The following EEIG1 variants were observed in gnomAD, a reference collection of about 807,000 sequenced individuals.
EEIG1 encodes estrogen-induced osteoclastogenesis regulator 1, also known as early estrogen-induced gene 1 protein.
the EEIG1 span, among the ~76,000 whole-genome samples, chr9:127,968,296 C>G: frequency 6.6e-6 from 1 of 152,076 alleles, no homozygotes; most frequent in Non-Finnish European, 1.5e-5. Flanking sequence ...TGACTAGACT[C>G]AAGTCATGGG....
chr9:127,948,474 G>A, the EEIG1 span: 2 of 1,528,326 alleles, frequency 1.3e-6, no homozygotes, highest in East Asian at 2.2e-5. Context: ...CAGGCGCAGG[G>A]CCCCCTGCAG....
the EEIG1 span, chr9:127,944,151 G>C: frequency 5.3e-6 from 1 of 187,096 alleles, no homozygotes; most frequent in Admixed American, 5.7e-5. Flanking sequence ...ATCTGTGGAT[G>C]CTGTGTAGGC....
the EEIG1 span, among the ~76,000 whole-genome samples, chr9:127,954,824 C>G: frequency 6.6e-6 from 1 of 152,182 alleles, no homozygotes; most frequent in Non-Finnish European, 1.5e-5. Context: ...TCTAGCCCCC[C>G]GGTTCCTCCT....
the EEIG1 span, chr9:127,944,556 C>T: frequency 1.3e-5 from 16 of 1,262,596 alleles, no homozygotes; most frequent in Non-Finnish European, 1.8e-5. Flanking sequence ...ACTGTGGGGA[C>T]TCTGCTCTCA....
the EEIG1 span, among the ~76,000 whole-genome samples, chr9:127,966,356 T>A: frequency 3.3e-5 from 5 of 151,126 alleles, no homozygotes; most frequent in Non-Finnish European, 7.4e-5. Context: ...ACCTGTAATC[T>A]CAGCTACTCA....
chr9:127,965,345 C>G, the EEIG1 span, among the ~76,000 whole-genome samples: 1 of 152,060 alleles, frequency 6.6e-6, no homozygotes, highest in East Asian at 1.9e-4. Context: ...GCCAAATCAA[C>G]CCTGGTTGAG....
the EEIG1 span, among the ~76,000 whole-genome samples, chr9:127,957,566 G>A: frequency 1.3e-5 from 2 of 152,134 alleles, no homozygotes; most frequent in African/African-American, 4.8e-5. Context: ...CCCTATCAAA[G>A]CCCCACGCTG....
the EEIG1 span, among the ~76,000 whole-genome samples, chr9:127,958,384 G>A: frequency 1.3e-5 from 2 of 152,152 alleles, no homozygotes; most frequent in African/African-American, 4.8e-5. Flanking sequence ...AAAACTTTTA[G>A]TGGGGCACAG....
At chr9:127,978,406 G>A in the EEIG1 span, among the ~76,000 whole-genome samples, 20 of 152,320 alleles carry the variant, frequency 1.3e-4, no homozygotes, top group African/African-American at 4.6e-4. Context: ...TCAGAACAGG[G>A]AGGCAGCTCT....
the EEIG1 span, among the ~76,000 whole-genome samples, chr9:127,964,062 G>C: frequency 6.6e-6 from 1 of 152,138 alleles, no homozygotes; most frequent in African/African-American, 2.4e-5. Flanking sequence ...CCAGAAGGAG[G>C]GAGGTGGCTC....
At chr9:127,970,945 C>T in the EEIG1 span, among the ~76,000 whole-genome samples, 1 of 152,230 alleles carries the variant, frequency 6.6e-6, no homozygotes, top group Non-Finnish European at 1.5e-5. Context: ...CACTGGAGGG[C>T]CCTGCAGGGG....
chr9:127,943,493 C>T, the EEIG1 span: 9 of 529,800 alleles, frequency 1.7e-5, no homozygotes, highest in African/African-American at 3.8e-5. Flanking sequence ...ACGGTCACCT[C>T]GGCAGGGAGT....
At chr9:127,972,759 G>C in the EEIG1 span, 1 of 152,318 alleles carries the variant, frequency 6.6e-6, no homozygotes, top group Non-Finnish European at 1.5e-5. The surrounding 1 kb of genome is among the most constrained non-coding windows in gnomAD (Gnocchi z 4.3). Flanking sequence ...ACCGGGCAGG[G>C]TGGGGGTGCG....
chr9:127,952,432 G>C, the EEIG1 span, among the ~76,000 whole-genome samples: 23 of 152,372 alleles, frequency 1.5e-4, no homozygotes. Context: ...GTCCACCATG[G>C]AGAAGAGGGA....
the EEIG1 span, among the ~76,000 whole-genome samples, chr9:127,958,379 T>C: frequency 6.6e-6 from 1 of 152,072 alleles, no homozygotes; most frequent in African/African-American, 2.4e-5. Flanking sequence ...AATTAAAAAC[T>C]TTTAGTGGGG....
At chr9:127,960,963 G>C in the EEIG1 span, among the ~76,000 whole-genome samples, 1 of 124,968 alleles carries the variant, frequency 8.0e-6, no homozygotes, top group African/African-American at 2.8e-5. Context: ...CCCACGGCCA[G>C]AGGTCACAGC....
At chr9:127,978,117 A>C in the EEIG1 span, among the ~76,000 whole-genome samples, 1 of 152,102 alleles carries the variant, frequency 6.6e-6, no homozygotes, top group Non-Finnish European at 1.5e-5. Flanking sequence ...CCCTTGTCCA[A>C]ATTCCTCAGA....
chr9:127,974,971 T>C, the EEIG1 span, among the ~76,000 whole-genome samples: 112,275 of 152,182 alleles, frequency 0.74, 41,919 homozygotes, highest in Non-Finnish European at 0.79. Context: ...TCCACTCAGC[T>C]CCAAGGGACA....
chr9:127,959,451 T>A, the EEIG1 span, among the ~76,000 whole-genome samples: 1 of 152,228 alleles, frequency 6.6e-6, no homozygotes, highest in Non-Finnish European at 1.5e-5. Context: ...AAATCCATAG[T>A]GACAGGAACT....
Sources: allele counts gnomAD v4.1 joint callset (sites outside exome capture counted in the v4.1 genomes callset), GRCh38; gene constraint gnomAD v4.1.1; non-coding constraint Gnocchi (gnomAD v3.1); transcripts MANE v1.5; gene names NCBI Gene and HGNC (gene_info 2026-07-23, HGNC 2026-07-21).